ZSCAN25: variants seen among roughly 807,000 people sequenced by gnomAD.
ZSCAN25 encodes zinc finger and SCAN domain containing 25.
A neutral mutation model predicts 38.7 loss-of-function variants in ZSCAN25; 27 were observed. The observed-to-expected ratio is 0.70, with a 90% CI of 0.51 to 0.96. The LOEUF (loss-of-function observed/expected upper bound fraction) is 0.96. ZSCAN25 is among the 40% of genes least tolerant of loss of function. The pLI is 0.00. For synonymous variants in ZSCAN25, 273 were observed against 277.7 expected, an observed-to-expected ratio of 0.98 and a Z score of 0.17; for missense variants, 637 against 705.9, an observed-to-expected ratio of 0.90 and a Z score of 1.11.
At chr7:99,735,384 C>A in the ZSCAN25 span, among the ~76,000 whole-genome samples, 3,785 of 151,594 alleles carry the variant, frequency 0.025, 78 homozygotes, top group Non-Finnish European at 0.034. Flanking sequence ...TAGAATCATA[C>A]ACAACTCAAT....
At chr7:99,728,472 G>A in the ZSCAN25 span, among the ~76,000 whole-genome samples, 4 of 152,120 alleles carry the variant, frequency 2.6e-5, no homozygotes, top group Non-Finnish European at 4.4e-5. Flanking sequence ...AAGGGCTGAT[G>A]CCCTCACTAA....
At chr7:99,673,185 A>C in the ZSCAN25 span, among the ~76,000 whole-genome samples, 1 of 152,186 alleles carries the variant, frequency 6.6e-6, no homozygotes, top group Non-Finnish European at 1.5e-5. Context: ...CTACTAAGTC[A>C]TGTTGCCTGT....
At chr7:99,697,349 G>A in the ZSCAN25 span, among the ~76,000 whole-genome samples, 5 of 152,190 alleles carry the variant, frequency 3.3e-5, no homozygotes, top group African/African-American at 4.8e-5. Context: ...GTGGAAGACT[G>A]GAGGAAGAAG....
At chr7:99,694,774 C>G in the ZSCAN25 span, among the ~76,000 whole-genome samples, 1 of 152,174 alleles carries the variant, frequency 6.6e-6, no homozygotes, top group Admixed American at 6.5e-5. Context: ...CTGACTACTG[C>G]TGCTGCTGGC....
chr7:99,640,855 A>G, the ZSCAN25 span, among the ~76,000 whole-genome samples: 25 of 152,230 alleles, frequency 1.6e-4, no homozygotes, highest in Non-Finnish European at 1.5e-5. Context: ...CATGAGTAGT[A>G]TATGTGTTGT....
chr7:99,676,152 G>A, the ZSCAN25 span: 2 of 1,613,768 alleles, frequency 1.2e-6, no homozygotes, highest in South Asian at 1.1e-5. Context: ...CAAAGGCAGA[G>A]GTGTGGGCCC....
chr7:99,695,729 A>G, the ZSCAN25 span: 1 of 1,606,130 alleles, frequency 6.2e-7, no homozygotes, highest in Non-Finnish European at 8.5e-7. Context: ...CCAAAGAGTG[A>G]GCTCAAAAAC....
intron 7 of ZSCAN25, among the ~76,000 whole-genome samples, chr7:99,626,326 G>A (rs1002977438): frequency 3.3e-5 from 5 of 152,318 alleles, no homozygotes; most frequent in Admixed American, 1.3e-4. Context: ...TGAGGAGTCC[G>A]TGAGGACTCT....
At chr7:99,639,199 C>G in the ZSCAN25 span, among the ~76,000 whole-genome samples, 16 of 152,220 alleles carry the variant, frequency 1.1e-4, no homozygotes, top group Non-Finnish European at 1.9e-4. Flanking sequence ...TCGACTTTAG[C>G]TGAGAATCAC....
the ZSCAN25 span, among the ~76,000 whole-genome samples, chr7:99,643,321 A>G: frequency 1.3e-5 from 2 of 151,988 alleles, no homozygotes; most frequent in African/African-American, 4.8e-5. Flanking sequence ...ATCTTACCCT[A>G]TGTACTCCAT....
chr7:99,655,978 G>C, the ZSCAN25 span, among the ~76,000 whole-genome samples: 1 of 152,062 alleles, frequency 6.6e-6, no homozygotes, highest in African/African-American at 2.4e-5. Flanking sequence ...GGAGATTTTG[G>C]GCTGAGACGA....
the ZSCAN25 span, chr7:99,663,235 T>C: frequency 2.8e-6 from 3 of 1,055,086 alleles, no homozygotes; most frequent in African/African-American, 5.1e-5. Flanking sequence ...TCTTTTATTC[T>C]TCTACCTTTT....
At chr7:99,732,328 G>A in the ZSCAN25 span, among the ~76,000 whole-genome samples, 1 of 152,146 alleles carries the variant, frequency 6.6e-6, no homozygotes, top group Non-Finnish European at 1.5e-5. Flanking sequence ...TATGCTTCCT[G>A]TAGAGCCTGC....
At chr7:99,650,681 C>T in the ZSCAN25 span, among the ~76,000 whole-genome samples, 9,431 of 152,132 alleles carry the variant, frequency 0.062, 943 homozygotes, top group African/African-American at 0.21. Context: ...CTTTCCTTCT[C>T]CTGTCATCTC....
the ZSCAN25 span, chr7:99,662,781 C>G: frequency 1.3e-6 from 2 of 1,589,804 alleles, no homozygotes; most frequent in Non-Finnish European, 1.7e-6. This position sits in a 1 kb window ranked among gnomAD's most constrained non-coding sequence, Gnocchi z 4.3. Context: ...TCTTAGTGTC[C>G]CCGCCAGTAG....
At chr7:99,701,504 A>G in the ZSCAN25 span, among the ~76,000 whole-genome samples, 1 of 152,192 alleles carries the variant, frequency 6.6e-6, no homozygotes, top group African/African-American at 2.4e-5. Context: ...TGATAGGTCC[A>G]TTTTAATGTT....
At chr7:99,730,917 C>T in the ZSCAN25 span, 1 of 1,143,688 alleles carries the variant, frequency 8.7e-7, no homozygotes, top group South Asian at 1.6e-5. Context: ...TAAACTTTGC[C>T]ACGCTCTGGG....
chr7:99,672,252 A>AT, the ZSCAN25 span, among the ~76,000 whole-genome samples: 3 of 152,058 alleles, frequency 2.0e-5, no homozygotes, highest in African/African-American at 7.2e-5. Flanking sequence ...GGGTTTCACC[A>AT]TGTTGGTCAG....
Position 99,630,096 on chromosome 7 carries a change from C to A in ZSCAN25, c.*76C>A, listed in dbSNP as rs916580409. ...CTTGCGGGGTGCAAGGTGATGGCTG[C>A]AGGAAAGCACTGGTCCCATCGCCTT... On this transcript the variant is annotated 3_prime_UTR_variant, in exon 8 of 8. Coordinates refer to ENST00000394152, the MANE Select transcript of ZSCAN25 (RefSeq NM_145115.3). 2.1e-6 allele frequency: 3 copies of A among 1,446,378 alleles called. No homozygotes were observed. In the Admixed American group the frequency reaches 8.4e-5, roughly 41 times the overall value. The allele number at this position is 1,446,378 out of a possible 1,614,324, so 89.6% of individuals were successfully genotyped here. A position where few individuals can be genotyped will look rare whatever the true frequency, so the allele number is the denominator to read the frequency against.
Sources: allele counts gnomAD v4.1 joint callset (sites outside exome capture counted in the v4.1 genomes callset), GRCh38; gene constraint gnomAD v4.1.1; non-coding constraint Gnocchi (gnomAD v3.1); transcripts MANE v1.5; gene names NCBI Gene and HGNC (gene_info 2026-07-23, HGNC 2026-07-21).